ADAMTSL3: variants seen among roughly 807,000 people sequenced by gnomAD.
ADAMTSL3 encodes ADAMTS-like protein 3.
Under a neutral mutation model 201.7 loss-of-function variants are expected in ADAMTSL3, and 128 were observed. That is an observed-to-expected ratio of 0.63 (90% confidence interval 0.55 to 0.73). The LOEUF (loss-of-function observed/expected upper bound fraction) is 0.73. Ranked by LOEUF, ADAMTSL3 falls within the 30% of genes least tolerant of loss-of-function variation. The pLI is 0.00. For synonymous variants in ADAMTSL3, 738 were observed against 748.4 expected (o/e 0.99, Z 0.23); for missense variants, 1,990 against 2,119.6 (o/e 0.94, Z 1.20).
At chr15:83,945,187 TC>T (rs1455078986) in intron 19 of ADAMTSL3, among the ~76,000 whole-genome samples, 1 of 151,962 alleles carries the variant, frequency 6.6e-6, no homozygotes, top group Non-Finnish European at 1.5e-5. Flanking sequence ...AATACCCACT[TC>T]CTCTATCCAA....
chr15:83,803,279 A>C (rs945561710), intron 4 of ADAMTSL3, among the ~76,000 whole-genome samples: 7 of 152,178 alleles, frequency 4.6e-5, no homozygotes, highest in African/African-American at 1.7e-4. Flanking sequence ...AGAAAAATGG[A>C]AGCATCAGAA....
chr15:83,915,170 G>T (rs992306368), intron 16 of ADAMTSL3, among the ~76,000 whole-genome samples: 21 of 152,198 alleles, frequency 1.4e-4, no homozygotes, highest in African/African-American at 5.1e-4. Context: ...CCCAGCTGTT[G>T]CTTGCACACC....
intron 3 of ADAMTSL3, among the ~76,000 whole-genome samples, chr15:83,758,827 A>G (rs2062762977): frequency 7.2e-5 from 11 of 152,102 alleles, no homozygotes; most frequent in Admixed American, 7.2e-4. Flanking sequence ...CAGATATATT[A>G]TTTTCAAATA....
At chr15:83,972,266 T>G (rs12148239) in intron 20 of ADAMTSL3, among the ~76,000 whole-genome samples, 34,756 of 152,056 alleles carry the variant, frequency 0.23, 4,589 homozygotes, top group East Asian at 0.33. Flanking sequence ...ATGGACAACA[T>G]TAACATTTTT....
intron 2 of ADAMTSL3, among the ~76,000 whole-genome samples, chr15:83,687,939 A>G (rs1357363507): frequency 6.6e-6 from 1 of 152,206 alleles, no homozygotes; most frequent in Non-Finnish European, 1.5e-5. Context: ...AATTCAGTGG[A>G]TGAGTTGAAG....
At chr15:83,914,847 GGT>G (rs1567233551) in intron 16 of ADAMTSL3, among the ~76,000 whole-genome samples, 153 of 73,522 alleles carry the variant, frequency 2.1e-3, no homozygotes, top group East Asian at 2.1e-3. Flanking sequence ...TTGTTTGTTT[GGT>G]TTTGTTTGTT....
intron 3 of ADAMTSL3, among the ~76,000 whole-genome samples, chr15:83,769,577 C>T (rs111628881): frequency 2.4e-4 from 36 of 152,242 alleles, no homozygotes; most frequent in African/African-American, 7.7e-4. Context: ...TTTATCCTTT[C>T]CTTTCACTTG....
At chr15:83,726,938 G>A (rs570158735) in intron 3 of ADAMTSL3, among the ~76,000 whole-genome samples, 2 of 151,488 alleles carry the variant, frequency 1.3e-5, no homozygotes, top group East Asian at 1.9e-4. Context: ...TTCTCTCCTC[G>A]ATTTTTGAGA....
At chr15:83,741,300 C>T (rs1414304352) in intron 3 of ADAMTSL3, among the ~76,000 whole-genome samples, 1 of 151,736 alleles carries the variant, frequency 6.6e-6, no homozygotes, top group Non-Finnish European at 1.5e-5. Context: ...ACTGCATCTT[C>T]ACCAAGTGTG....
chr15:83,733,016 C>T (rs1461637586), intron 3 of ADAMTSL3, among the ~76,000 whole-genome samples: 1 of 152,146 alleles, frequency 6.6e-6, no homozygotes, highest in Non-Finnish European at 1.5e-5. Context: ...TGGGGAAACA[C>T]ACTTGTAAGG....
intron 23 of ADAMTSL3, among the ~76,000 whole-genome samples, chr15:84,012,427 C>T (rs1237534663): frequency 2.0e-5 from 3 of 152,176 alleles, no homozygotes; most frequent in South Asian, 4.1e-4. Context: ...GCCACCTGCA[C>T]TCCCCAGCTC....
chr15:83,989,108 T>C (rs2067538863), intron 22 of ADAMTSL3, among the ~76,000 whole-genome samples: 2 of 152,272 alleles, frequency 1.3e-5, no homozygotes, highest in East Asian at 3.9e-4. Context: ...GGTCTCGATC[T>C]CCTGACCTCG....
rs576618068 is a variant in ADAMTSL3, at chr15:83,849,090, C to T, written c.728-9676C>T. ...GTCCCAGACATGAGCCTACTGTTAG[C>T]GACACCATAAGATGGGATGGAGAGG... On this transcript the variant is annotated intron_variant, in intron 7 of 29. Transcript: ENST00000286744. Among the ~76,000 whole-genome samples, 74 of 152,220 alleles carry T rather than the reference C, an allele frequency of 4.9e-4. No individual in the cohort carries two copies. In the East Asian group the frequency reaches 0.014, roughly 28 times the overall value.
chr15:83,691,555 A>G (rs1324417367), intron 2 of ADAMTSL3, among the ~76,000 whole-genome samples: 2 of 152,216 alleles, frequency 1.3e-5, no homozygotes, highest in East Asian at 3.8e-4. Context: ...TTTTCCAAAT[A>G]TCTACTACTA....
At chr15:83,889,176 A>G (rs750284932) in intron 10 of ADAMTSL3, among the ~76,000 whole-genome samples, 4 of 152,190 alleles carry the variant, frequency 2.6e-5, no homozygotes, top group African/African-American at 4.8e-5. Context: ...ATTAGATTTA[A>G]TAGAATCAGG....
At chr15:83,867,966 A>G (rs1178624029) in intron 8 of ADAMTSL3, among the ~76,000 whole-genome samples, 1 of 152,216 alleles carries the variant, frequency 6.6e-6, no homozygotes, top group East Asian at 1.9e-4. Context: ...ATTTTGGGAT[A>G]CAAGAAAGTC....
At chr15:83,816,485 G>A (rs979435793) in intron 5 of ADAMTSL3, among the ~76,000 whole-genome samples, 3 of 152,192 alleles carry the variant, frequency 2.0e-5, no homozygotes, top group Admixed American at 2.0e-4. Context: ...TAAGGGAGTC[G>A]AGAGTTAGCT....
At chr15:83,807,438 A>G (rs2063617969) in intron 5 of ADAMTSL3, among the ~76,000 whole-genome samples, 1 of 152,242 alleles carries the variant, frequency 6.6e-6, no homozygotes, top group South Asian at 2.1e-4. Flanking sequence ...CCTAGGTGAC[A>G]GTGCGAGACT....
chr15:83,809,194 C>T (rs369326003), intron 5 of ADAMTSL3, among the ~76,000 whole-genome samples: 1 of 152,026 alleles, frequency 6.6e-6, no homozygotes, highest in Middle Eastern at 3.4e-3. Context: ...TGCTAATGAC[C>T]CTAATTTGTT....
Sources: gnomAD v4.1 joint callset for allele counts (sites outside exome capture counted in the v4.1 genomes callset) on GRCh38, gnomAD v4.1.1 for gene constraint, MANE v1.5 for transcripts, NCBI Gene and HGNC (gene_info 2026-07-23, HGNC 2026-07-21) for gene names.